KIF1B: variants seen among roughly 807,000 people sequenced by gnomAD.
The protein encoded by KIF1B is kinesin-like protein KIF1B.
In KIF1B, 76 loss-of-function variants were observed where a neutral mutation model predicts 241.9. That is an observed-to-expected ratio of 0.31 (90% CI 0.26 to 0.38). The LOEUF is 0.38. Ranked by LOEUF, KIF1B falls within the 10% of genes least tolerant of loss-of-function variation. KIF1B has a pLI of 1.00. For synonymous variants in KIF1B, 750 were observed against 796.7 expected, an observed-to-expected ratio of 0.94 and a Z score of 0.99; for missense variants, 1,622 against 2,271.4, an observed-to-expected ratio of 0.71 and a Z score of 5.81.
In KIF1B at chr1:10,374,791, G is replaced by A; in HGVS notation, c.5097-63G>A. 4 of 1,490,778 alleles carry A rather than the reference G, an allele frequency of 2.7e-6. No homozygotes were observed. Among genetic ancestry groups the A allele is most frequent in the Non-Finnish European group, 3.7e-6 (4 of 1,069,468 alleles). The allele number at this position is 1,490,778 out of a possible 1,614,324, so 92.3% of individuals were successfully genotyped here. On this transcript the variant is annotated intron_variant, in intron 46 of 48. Coordinates refer to ENST00000676179, the MANE Select transcript of KIF1B (RefSeq NM_001365951.3). This position sits in a 1 kb window ranked among gnomAD's most constrained non-coding sequence, Gnocchi z 4.3. The stretch of plus-strand genomic sequence containing the variant: ...TGGCCTAAGTGTGGCGTATTTTGAT[G>A]GTCCTCAGCACGATTATTTTCTTTT...
rs1557725507 is a variant in KIF1B, at chr1:10,342,104, G to A, written c.3568G>A (p.Val1190Ile). Residue 1190 changes from valine to isoleucine, a missense_variant, in exon 33 of 49, where the codon GTA (valine) becomes ATA (isoleucine). Val to Ile is a conservative substitution (Grantham distance 29). Around this residue, in one of 7 missense-constraint regions of KIF1B, gnomAD observed 803 missense variants for 1,112.0 expected, o/e 0.72. Transcript: ENST00000676179. ...GGATTACATCAAAACCAAGCCTATT[G>A]TATTTGAAGTCTTTGGGCATTATCA... ...FVDYIKTKPI[V>I]FEVFGHYQQH... 1 of 1,613,994 alleles carries A rather than the reference G, an allele frequency of 6.2e-7. No individual in the cohort carries two copies. The highest frequency in any genetic ancestry group is 1.1e-5 in the South Asian group (1 of 91,078).
chr1:10,301,526 C>T (rs1418662172), intron 22 of KIF1B, among the ~76,000 whole-genome samples: 1 of 151,668 alleles, frequency 6.6e-6, no homozygotes, highest in Non-Finnish European at 1.5e-5. Flanking sequence ...ATTAGGTAGG[C>T]GTGGTGGCAG....
In KIF1B at chr1:10,216,315, T is replaced by G. The variant is rs78517415; in HGVS notation, c.-80+5437T>G. On this transcript the variant is annotated intron_variant, in intron 1 of 48. Transcript: ENST00000676179. ...TCAAATTCACCTTCAAGTCTTAAAC[T>G]GTGATAATTGATAGCTTTCACTTTC... Among the ~76,000 whole-genome samples, 490 of 152,336 alleles carry G rather than the reference T, an allele frequency of 3.2e-3. 23 individuals carry two copies. In the East Asian group the frequency reaches 0.079, roughly 25 times the overall value.
intron 22 of KIF1B, among the ~76,000 whole-genome samples, chr1:10,312,408 T>C (rs1651107136): frequency 6.6e-6 from 1 of 151,422 alleles, no homozygotes; most frequent in Admixed American, 6.6e-5. Flanking sequence ...CTTATTTCCA[T>C]AGTTCCTCCT....
At chr1:10,264,156 CTCA>C (rs1648313928) in intron 5 of KIF1B, among the ~76,000 whole-genome samples, 1 of 152,212 alleles carries the variant, frequency 6.6e-6, no homozygotes, top group South Asian at 2.1e-4. Flanking sequence ...TTCCATCATA[CTCA>C]TCATGTTCTA....
chr1:10,212,856 G>GTATATA (rs138390670), intron 1 of KIF1B, among the ~76,000 whole-genome samples: 12 of 139,418 alleles, frequency 8.6e-5, no homozygotes, highest in African/African-American at 2.3e-4. Context: ...AAAAAAATGT[G>GTATATA]TATATATATA....
chr1:10,372,802 T>A (rs1433686126), intron 45 of KIF1B, among the ~76,000 whole-genome samples: 2 of 149,062 alleles, frequency 1.3e-5, no homozygotes, highest in Non-Finnish European at 1.5e-5. Flanking sequence ...GCTAATTTTT[T>A]ATTTTATTTT....
intron 23 of KIF1B, 84 bp from the exon 24 acceptor site, chr1:10,321,625 G>A: frequency 7.0e-7 from 1 of 1,432,230 alleles, no homozygotes; most frequent in Non-Finnish European, 9.8e-7. Flanking sequence ...ACCTCACCTT[G>A]GTAAAAGAGA....
chr1:10,334,189 C>T (rs1025477031), intron 27 of KIF1B, among the ~76,000 whole-genome samples: 4 of 147,160 alleles, frequency 2.7e-5, no homozygotes, highest in Admixed American at 6.7e-5. Context: ...CTTGAATGGG[C>T]TCCTCCTCCA....
intron 26 of KIF1B, 123 bp downstream of exon 26, chr1:10,325,018 A>G (rs1651676355): frequency 9.6e-7 from 1 of 1,045,872 alleles, no homozygotes; most frequent in Non-Finnish European, 1.5e-6. Flanking sequence ...CCTTATCTAT[A>G]ATCTTATCCA....
chr1:10,254,563 T>A (rs1201122920), intron 2 of KIF1B, among the ~76,000 whole-genome samples: 1 of 152,162 alleles, frequency 6.6e-6, no homozygotes, highest in Non-Finnish European at 1.5e-5. Context: ...TTTTCTGAAG[T>A]ACATAGTAAG....
Position 10,337,306 on chromosome 1 carries a change from G to A in KIF1B, c.3260-65G>A. On this transcript the variant is annotated intron_variant, in intron 30 of 48. Coordinates refer to ENST00000676179, the MANE Select transcript of KIF1B (RefSeq NM_001365951.3). The surrounding 1 kb of genome is among the most constrained non-coding windows in gnomAD (Gnocchi z 4.0). ...GGCCTTCATCAACTAGGAATGGAAA[G>A]CATGCCCAACTCCCTCCTCTTTGCA... The A allele has an allele frequency of 3.7e-6, 6 of 1,612,726 alleles. No homozygotes were observed. The highest frequency in any genetic ancestry group is 5.1e-6 in the Non-Finnish European group (6 of 1,178,740).
intron 4 of KIF1B, 115 bp from the exon 5 acceptor site, chr1:10,261,790 A>T: frequency 1.3e-6 from 1 of 744,604 alleles, no homozygotes. Flanking sequence ...TTATGACATA[A>T]TATATTTTGA....
chr1:10,281,949 A>T lies in KIF1B; in HGVS notation c.1223-373A>T, dbSNP rs1032719596. On this transcript the variant is annotated intron_variant, in intron 14 of 48. Transcript: ENST00000676179. ...CTACTGGAAAAGTGTAAATCTGAAG[A>T]CATTGTAGACTAGGAACACTAGAAA... 4.6e-5 allele frequency among the ~76,000 whole-genome samples: 7 copies of T among 152,352 alleles called. No individual in the cohort carries two copies. The East Asian group carries it at 1.3e-3, about 29-fold the overall frequency.
intron 14 of KIF1B, 146 bp downstream of exon 14, chr1:10,279,284 A>G (rs1323198159): frequency 4.1e-6 from 2 of 487,032 alleles, no homozygotes; most frequent in East Asian, 6.4e-5. Flanking sequence ...AAATGATCCT[A>G]TTTTTGCCCT....
intron 45 of KIF1B, among the ~76,000 whole-genome samples, chr1:10,372,649 GCTTGGGTGACAGAGCTGT>G (rs1638768618): frequency 2.4e-5 from 3 of 123,432 alleles, no homozygotes; most frequent in Non-Finnish European, 5.0e-5. Context: ...CTGCGCGCCA[GCTTGGGTGACAGAGCTGT>G]CACCCAAGCT....
In KIF1B at chr1:10,275,454, T is replaced by C. The variant is rs1362385553; in HGVS notation, c.909T>C (p.Phe303=). 2 of 1,588,782 alleles carry C rather than the reference T, an allele frequency of 1.3e-6. No homozygotes were observed. Among genetic ancestry groups the C allele is most frequent in the Non-Finnish European group, 1.7e-6 (2 of 1,157,270 alleles). The part of the protein sequence containing the change: ...SKSKKKKKTD[F]IPYRDSVLTW... ...GTAAAAAGAAGAAGAAAACAGATTT[T>C]ATTCCCTACAGGGATTCTGTACTTA... Residue 303 remains phenylalanine (F), a synonymous_variant, in exon 11 of 49, where the codon TTT becomes TTC. Coordinates refer to ENST00000676179, the MANE Select transcript of KIF1B (RefSeq NM_001365951.3).
At chr1:10,343,359 A>G (rs558730401) in intron 34 of KIF1B, 72 bp downstream of exon 34, 58 of 1,415,752 alleles carry the variant, frequency 4.1e-5, no homozygotes, top group Admixed American at 8.5e-5. Flanking sequence ...TGACTTTTCA[A>G]ATAGAAGTCA....
At chr1:10,243,446 A>G (rs900109315) in intron 2 of KIF1B, among the ~76,000 whole-genome samples, 7 of 150,348 alleles carry the variant, frequency 4.7e-5, no homozygotes, top group African/African-American at 1.5e-4. Context: ...TAGTGGGGGG[A>G]AAAAATACCA....
Sources: allele counts gnomAD v4.1 joint callset (sites outside exome capture counted in the v4.1 genomes callset), GRCh38; gene constraint gnomAD v4.1.1; regional missense constraint gnomAD v4.1.1; non-coding constraint Gnocchi (gnomAD v3.1); transcripts MANE v1.5; gene names NCBI Gene and HGNC (gene_info 2026-07-23, HGNC 2026-07-21).